DRC11: variants seen among roughly 807,000 people sequenced by gnomAD.
The protein encoded by DRC11 is IQ and AAA domain-containing protein 1.
the DRC11 span, chr2:236,380,598 T>G: frequency 6.4e-7 from 1 of 1,551,534 alleles, no homozygotes; most frequent in Non-Finnish European, 8.7e-7. The surrounding 1 kb of genome is among the most constrained non-coding windows in gnomAD (Gnocchi z 4.9). Flanking sequence ...TATCCTTCTT[T>G]GCCTTCTTCT....
the DRC11 span, among the ~76,000 whole-genome samples, chr2:236,454,120 T>C: frequency 6.6e-5 from 10 of 152,066 alleles, no homozygotes; most frequent in South Asian, 2.1e-3. This position sits in a 1 kb window ranked among gnomAD's most constrained non-coding sequence, Gnocchi z 5.3. Flanking sequence ...AAAAGCACAA[T>C]AGAGGGTATG....
chr2:236,503,815 C>A, the DRC11 span: 1 of 926,716 alleles, frequency 1.1e-6, no homozygotes, highest in African/African-American at 1.6e-5. The surrounding 1 kb of genome is among the most constrained non-coding windows in gnomAD (Gnocchi z 4.9). Flanking sequence ...GGGGAGCCCC[C>A]ACTTTGCGCT....
the DRC11 span, among the ~76,000 whole-genome samples, chr2:236,491,654 GA>G: frequency 1.3e-5 from 2 of 152,158 alleles, no homozygotes; most frequent in Admixed American, 1.3e-4. Flanking sequence ...TTCAGGGAAT[GA>G]AGTGTGAGTG....
chr2:236,495,220 G>A, the DRC11 span, among the ~76,000 whole-genome samples: 2 of 152,158 alleles, frequency 1.3e-5, no homozygotes, highest in Non-Finnish European at 2.9e-5. This position sits in a 1 kb window ranked among gnomAD's most constrained non-coding sequence, Gnocchi z 5.6. Context: ...GCATGCACCT[G>A]TAATCCCAGC....
chr2:236,404,062 G>C, the DRC11 span, among the ~76,000 whole-genome samples: 2 of 151,616 alleles, frequency 1.3e-5, no homozygotes, highest in Non-Finnish European at 2.9e-5. Flanking sequence ...GGTGAGGAAG[G>C]CTAGCCATGA....
chr2:236,478,324 T>C, the DRC11 span, among the ~76,000 whole-genome samples: 1 of 150,950 alleles, frequency 6.6e-6, no homozygotes, highest in Non-Finnish European at 1.5e-5. The surrounding 1 kb of genome is among the most constrained non-coding windows in gnomAD (Gnocchi z 5.9). Flanking sequence ...CAGGAGCATG[T>C]TGTTTAATTT....
chr2:236,423,879 C>T, the DRC11 span, among the ~76,000 whole-genome samples: 353 of 151,980 alleles, frequency 2.3e-3, 1 homozygote, highest in African/African-American at 7.9e-3. Flanking sequence ...CCATAAAAAA[C>T]GATGAGTTCA....
chr2:236,492,599 T>C, the DRC11 span, among the ~76,000 whole-genome samples: 23 of 152,248 alleles, frequency 1.5e-4, no homozygotes, highest in African/African-American at 5.3e-4. Context: ...CACCCTGGAG[T>C]GTCCCAGCTT....
At chr2:236,406,467 A>AT in the DRC11 span, among the ~76,000 whole-genome samples, 1 of 152,134 alleles carries the variant, frequency 6.6e-6, no homozygotes, top group Non-Finnish European at 1.5e-5. This position sits in a 1 kb window ranked among gnomAD's most constrained non-coding sequence, Gnocchi z 4.7. Context: ...AAATGAGGTT[A>AT]TATATTTTGA....
chr2:236,441,739 A>C, the DRC11 span, among the ~76,000 whole-genome samples: 1 of 152,210 alleles, frequency 6.6e-6, no homozygotes, highest in Non-Finnish European at 1.5e-5. Context: ...TATTGTACGT[A>C]AGACTATCTG....
At chr2:236,497,556 C>A in the DRC11 span, 8 of 1,142,374 alleles carry the variant, frequency 7.0e-6, no homozygotes, top group Non-Finnish European at 8.6e-6. This position sits in a 1 kb window ranked among gnomAD's most constrained non-coding sequence, Gnocchi z 5.1. Context: ...AAACATCGGG[C>A]CTCTGGTATA....
the DRC11 span, chr2:236,331,332 G>C: frequency 7.3e-6 from 11 of 1,504,236 alleles, no homozygotes; most frequent in African/African-American, 2.8e-5. This position sits in a 1 kb window ranked among gnomAD's most constrained non-coding sequence, Gnocchi z 4.8. Context: ...CTGCTGCTAA[G>C]ACTTGGTCAT....
chr2:236,357,564 A>T, the DRC11 span, among the ~76,000 whole-genome samples: 3 of 127,098 alleles, frequency 2.4e-5, no homozygotes, highest in African/African-American at 9.4e-5. Context: ...ATATTTACAT[A>T]TATGCATAGT....
chr2:236,311,697 C>CGTGCGTGTGTGTGTGT, the DRC11 span, among the ~76,000 whole-genome samples: 3 of 138,798 alleles, frequency 2.2e-5, no homozygotes, highest in African/African-American at 7.9e-5. This position sits in a 1 kb window ranked among gnomAD's most constrained non-coding sequence, Gnocchi z 6.9. Flanking sequence ...GGATGGGGTG[C>CGTGCGTGTGTGTGTGT]GTGTGTGTGT....
At chr2:236,311,930 A>G in the DRC11 span, among the ~76,000 whole-genome samples, 11 of 151,936 alleles carry the variant, frequency 7.2e-5, no homozygotes, top group Non-Finnish European at 1.6e-4. The surrounding 1 kb of genome is among the most constrained non-coding windows in gnomAD (Gnocchi z 6.9). Context: ...CTTCTCCTCT[A>G]GTGTTTTCAT....
chr2:236,315,962 A>C, the DRC11 span, among the ~76,000 whole-genome samples: 2 of 152,194 alleles, frequency 1.3e-5, no homozygotes, highest in African/African-American at 2.4e-5. This position sits in a 1 kb window ranked among gnomAD's most constrained non-coding sequence, Gnocchi z 5.1. Flanking sequence ...TACCTATGTA[A>C]CAAACCTGCA....
chr2:236,357,452 T>C, the DRC11 span, among the ~76,000 whole-genome samples: 6 of 126,382 alleles, frequency 4.7e-5, no homozygotes, highest in Admixed American at 1.7e-4. Context: ...ATTTATAAAT[T>C]ATATATATTT....
the DRC11 span, among the ~76,000 whole-genome samples, chr2:236,450,388 C>T: frequency 1.4e-5 from 2 of 138,558 alleles, no homozygotes; most frequent in African/African-American, 5.4e-5. Context: ...GGCGCAATCT[C>T]GGCTCACTGC....
At chr2:236,331,619 C>A in the DRC11 span, 7,840 of 1,573,950 alleles carry the variant, frequency 5.0e-3, 354 homozygotes, top group African/African-American at 0.091. The surrounding 1 kb of genome is among the most constrained non-coding windows in gnomAD (Gnocchi z 4.8). Flanking sequence ...AGAAAAGACA[C>A]AGAGAACAAG....
Sources: gnomAD v4.1 joint callset for allele counts (sites outside exome capture counted in the v4.1 genomes callset) on GRCh38, gnomAD v4.1.1 for gene constraint, Gnocchi (gnomAD v3.1) non-coding constraint, MANE v1.5 for transcripts, NCBI Gene and HGNC (gene_info 2026-07-23, HGNC 2026-07-21) for gene names.